Variants in SNRPN observed in about 807,000 individuals in gnomAD.
SNRPN encodes small nuclear ribonucleoprotein polypeptide N, also known as small nuclear ribonucleoprotein-associated protein N.
Under a neutral mutation model 25.2 loss-of-function variants are expected in SNRPN, and 7 were observed. That is an observed-to-expected ratio of 0.28 (90% confidence interval 0.16 to 0.52). The LOEUF is 0.52. Among genes scored for constraint, SNRPN ranks in the 20% least tolerant of loss-of-function variants. The pLI is 0.96. For missense variants in SNRPN, 196 were observed against 322.5 expected (o/e 0.61, Z 3.00); for synonymous variants, 124 against 110.6 (o/e 1.12, Z -0.76).
intron 1 of SNRPN, among the ~76,000 whole-genome samples, chr15:24,873,693 T>C (rs969346960): frequency 6.2e-4 from 95 of 152,030 alleles, no homozygotes; most frequent in Admixed American, 1.0e-3. Flanking sequence ...GTGATCCACC[T>C]GCCTCGGCCT....
At chr15:24,856,989 G>A (rs147393431) in intron 1 of SNRPN, among the ~76,000 whole-genome samples, 224 of 152,134 alleles carry the variant, frequency 1.5e-3, no homozygotes, top group Middle Eastern at 6.8e-3. Context: ...CAGATGTCAC[G>A]CGGTTTTTAG....
At chr15:24,924,167 A>T (rs2060231696) in intron 3 of SNRPN, among the ~76,000 whole-genome samples, 1 of 151,930 alleles carries the variant, frequency 6.6e-6, no homozygotes, top group African/African-American at 2.4e-5. Flanking sequence ...GAGAAAAGGT[A>T]TACAAATTAG....
chr15:24,921,704 A>G (rs2060029105), intron 3 of SNRPN, among the ~76,000 whole-genome samples: 1 of 152,196 alleles, frequency 6.6e-6, no homozygotes, highest in African/African-American at 2.4e-5. Flanking sequence ...CATTGCAGAA[A>G]GGGAAGAGAG....
chr15:24,831,903 G>A (rs1027579081), intron 2 of SNRPN, among the ~76,000 whole-genome samples: 1 of 151,724 alleles, frequency 6.6e-6, no homozygotes, highest in African/African-American at 2.4e-5. Flanking sequence ...TCCCATATTT[G>A]GCTATTGTGA....
At chr15:24,848,304 G>T (rs1364223338) in intron 2 of SNRPN, 1 of 150,152 alleles carries the variant, frequency 6.7e-6, no homozygotes, top group Non-Finnish European at 1.5e-5. Flanking sequence ...CGGGACTGGA[G>T]GATTCGGTGT....
chr15:24,945,292 C>T (rs1161270826), intron 3 of SNRPN, among the ~76,000 whole-genome samples: 2 of 146,588 alleles, frequency 1.4e-5, no homozygotes, highest in Non-Finnish European at 3.0e-5. Context: ...TAAACTTTTC[C>T]TTGGATCCTT....
chr15:24,855,590 G>C (rs539136776), upstream of SNRPN, among the ~76,000 whole-genome samples: 1 of 152,136 alleles, frequency 6.6e-6, no homozygotes, highest in South Asian at 2.1e-4. Flanking sequence ...AGAAGTTTGA[G>C]ACCAGCCTGG....
At chr15:24,855,791 CA>C (rs56081812), upstream of SNRPN, among the ~76,000 whole-genome samples, 33,597 of 72,024 alleles carry the variant, frequency 0.47, 4,645 homozygotes, top group South Asian at 0.63. Flanking sequence ...GAATCTGTCT[CA>C]AAAAAAAAAA....
upstream of SNRPN, among the ~76,000 whole-genome samples, chr15:24,954,089 C>T (rs1409825558): frequency 6.6e-6 from 1 of 152,180 alleles, no homozygotes; most frequent in African/African-American, 2.4e-5. Context: ...TTATTTTCTT[C>T]TTTTCTGCAG....
Position 24,896,842 on chromosome 15 carries a change from C to A in SNRPN, c.-505+10253C>A, listed in dbSNP as rs1325171510. On this transcript the variant is annotated intron_variant, in intron 2 of 11. Coordinates refer to the SNRPN transcript ENST00000400097. ...GCCATTGTAAAATGAATTCTGCCAACAAGCAAATGAGCTTAAAAAGTAACA... is the reference window on the plus strand; with the variant it reads ...GCCATTGTAAAATGAATTCTGCCAAAAAGCAAATGAGCTTAAAAAGTAACA... 1.4e-4 allele frequency among the ~76,000 whole-genome samples: 22 copies of A among 152,206 alleles called. 1 individual carries two copies. The highest frequency in any genetic ancestry group is 4.4e-5 in the Non-Finnish European group (3 of 68,036).
At chr15:24,954,982 C>CT (rs2062595848), upstream of SNRPN, 2 of 1,606,726 alleles carry the variant, frequency 1.2e-6, no homozygotes, top group African/African-American at 1.3e-5. Flanking sequence ...TGCAGCGAGT[C>CT]TGGCGCAGAG....
intron 1 of SNRPN, among the ~76,000 whole-genome samples, chr15:24,955,832 C>CGGCGGTGGGCATGGCATGGA (rs1326520698): frequency 6.6e-6 from 1 of 150,804 alleles, no homozygotes; most frequent in African/African-American, 2.4e-5. Flanking sequence ...GTAGGCATGG[C>CGGCGGTGGGCATGGCATGGA]GGCGGTGGGC....
chr15:24,956,017 G>C lies in SNRPN; in HGVS notation c.-391+955G>C, dbSNP rs1292602674. ...GGTCATCTGGTTTGCCTACTGTGGTGGTGGTGCTTTTTTATTAAAACTGCG... is the reference window on the plus strand; with the variant it reads ...GGTCATCTGGTTTGCCTACTGTGGTCGTGGTGCTTTTTTATTAAAACTGCG... On this transcript the variant is annotated intron_variant, in intron 1 of 9. Transcript: ENST00000390687. Among the ~76,000 whole-genome samples the C allele has an allele frequency of 2.6e-5, 4 of 152,082 alleles. No individual in the cohort carries two copies. In the East Asian group the frequency reaches 7.7e-4, roughly 29 times the overall value.
intron 3 of SNRPN, among the ~76,000 whole-genome samples, chr15:24,937,899 C>T (rs2061331557): frequency 6.6e-6 from 1 of 152,166 alleles, no homozygotes; most frequent in South Asian, 2.1e-4. Context: ...TTATTTCATT[C>T]TGTGTAGTGT....
At position 24,978,299 on chromosome 15, in the gene SNRPN, C is replaced by T; in HGVS notation, c.666C>T (p.Pro222=). Residue 222 remains proline (P), a synonymous_variant, in exon 9 of 10, where the codon CCC becomes CCT. Coordinates refer to ENST00000390687, the MANE Select transcript of SNRPN (RefSeq NM_003097.6). ...PIGMPPPGMR[P]PPPGIRGPPP... ...GCATGCCGCCTCCGGGAATGAGACC[C>T]CCTCCACCAGGCATTAGAGGTGAGT... 6.2e-7 allele frequency: 1 copy of T among 1,614,108 alleles called. No homozygotes were observed. The highest frequency in any genetic ancestry group is 8.5e-7 in the Non-Finnish European group (1 of 1,179,998).
At chr15:24,944,661 A>C (rs2061767531) in intron 3 of SNRPN, among the ~76,000 whole-genome samples, 1 of 152,242 alleles carries the variant, frequency 6.6e-6, no homozygotes, top group Non-Finnish European at 1.5e-5. Flanking sequence ...ATTTATTCTT[A>C]AGATCTGGTT....
intron 1 of SNRPN, among the ~76,000 whole-genome samples, chr15:24,874,543 T>G (rs2055655732): frequency 6.6e-6 from 1 of 152,088 alleles, no homozygotes; most frequent in African/African-American, 2.4e-5. Context: ...GAGTGCACCT[T>G]TTAACAACGT....
At chr15:24,849,063 GC>G (rs2052546208) in intron 2 of SNRPN, 6 of 152,204 alleles carry the variant, frequency 3.9e-5, no homozygotes, top group Non-Finnish European at 8.8e-5. Flanking sequence ...CTCCCGGGTA[GC>G]TGGGATTACC....
intron 2 of SNRPN, among the ~76,000 whole-genome samples, chr15:24,905,436 G>C (rs2058735031): frequency 6.6e-6 from 1 of 151,496 alleles, no homozygotes; most frequent in Non-Finnish European, 1.5e-5. Context: ...TTGAACCCGG[G>C]AGGCGGAGGT....
Sources: allele counts gnomAD v4.1 joint callset (sites outside exome capture counted in the v4.1 genomes callset), GRCh38; gene constraint gnomAD v4.1.1; transcripts MANE v1.5; gene names NCBI Gene and HGNC (gene_info 2026-07-23, HGNC 2026-07-21).